Variants in GRIA2 observed in about 807,000 individuals in gnomAD.
GRIA2 encodes the protein glutamate receptor 2.
In GRIA2, 14 loss-of-function variants were observed where a neutral mutation model predicts 97.3. The observed-to-expected ratio is 0.14, with a 90% CI of 0.10 to 0.23. The LOEUF is 0.23. Ranked by LOEUF, GRIA2 falls within the 10% of genes least tolerant of loss-of-function variation. GRIA2 has a pLI of 1.00. For synonymous variants in GRIA2, 412 were observed against 387.8 expected (o/e 1.06, Z -0.73); for missense variants, 558 against 1,069.8 (o/e 0.52, Z 6.67).
intron 12 of GRIA2, among the ~76,000 whole-genome samples, chr4:157,354,445 C>A (rs1473684506): frequency 6.6e-6 from 1 of 152,108 alleles, no homozygotes; most frequent in Non-Finnish European, 1.5e-5. Flanking sequence ...TAATATGATA[C>A]ACTGTTATTT....
At chr4:157,324,565 G>A (rs763032180) in intron 6 of GRIA2, among the ~76,000 whole-genome samples, 15 of 152,182 alleles carry the variant, frequency 9.9e-5, no homozygotes, top group Admixed American at 5.2e-4. Flanking sequence ...AGAAAAGTGT[G>A]AGAAGTTGCT....
intron 12 of GRIA2, among the ~76,000 whole-genome samples, chr4:157,347,337 A>G (rs934297297): frequency 1.3e-5 from 2 of 152,114 alleles, no homozygotes; most frequent in African/African-American, 2.4e-5. Flanking sequence ...TAACCATGCA[A>G]TTGTGTCTTT....
intron 2 of GRIA2, among the ~76,000 whole-genome samples, chr4:157,233,056 G>A (rs948662570): frequency 1.3e-5 from 2 of 152,134 alleles, no homozygotes; most frequent in African/African-American, 2.4e-5. Flanking sequence ...TTTTTGGATT[G>A]TTTTGATGAG....
chr4:157,220,867 G>C lies in GRIA2; in HGVS notation c.-176G>C. The C allele has an allele frequency of 1.7e-6, 1 of 602,410 alleles. No homozygotes were observed. Among genetic ancestry groups the C allele is most frequent in the Non-Finnish European group, 3.0e-6 (1 of 337,158 alleles). 37.3% of individuals were successfully genotyped at this position (602,410 alleles called of 1,614,324 possible). Reference sequence around the variant, plus strand: ...GGGCGCAGGGCATCAGCAGCCACCAGCAGGACCTGGGAAATAGGGATTCTT... The same window carrying C: ...GGGCGCAGGGCATCAGCAGCCACCACCAGGACCTGGGAAATAGGGATTCTT... On this transcript the variant is annotated 5_prime_UTR_variant, in exon 1 of 16. Coordinates refer to ENST00000264426, the MANE Select transcript of GRIA2 (RefSeq NM_001083619.3).
chr4:157,223,541 C>G (rs1314222690), intron 2 of GRIA2, among the ~76,000 whole-genome samples: 2 of 152,118 alleles, frequency 1.3e-5, no homozygotes, highest in Non-Finnish European at 2.9e-5. Flanking sequence ...ACCTATTTAC[C>G]TAACAGATTT....
At chr4:157,315,509 GTTT>G (rs529422867) in intron 4 of GRIA2, among the ~76,000 whole-genome samples, 3 of 148,130 alleles carry the variant, frequency 2.0e-5, no homozygotes, top group African/African-American at 7.6e-5. Flanking sequence ...TAGGCTATGG[GTTT>G]TTTTTTGTTT....
chr4:157,321,862 C>T (rs184188651), intron 6 of GRIA2, among the ~76,000 whole-genome samples: 5 of 151,952 alleles, frequency 3.3e-5, no homozygotes, highest in Middle Eastern at 3.4e-3. Context: ...TTTATTAATC[C>T]ATTTGGCATT....
At chr4:157,221,908 G>C in intron 2 of GRIA2, 101 bp downstream of exon 2, 2 of 1,052,686 alleles carry the variant, frequency 1.9e-6, no homozygotes, top group Admixed American at 1.8e-5. Flanking sequence ...GCGTTTCTGT[G>C]TGTCAGTGTG....
At chr4:157,313,233 A>T (rs1464971746) in intron 4 of GRIA2, among the ~76,000 whole-genome samples, 1 of 152,150 alleles carries the variant, frequency 6.6e-6, no homozygotes, top group Non-Finnish European at 1.5e-5. Context: ...AACTTAAGAC[A>T]AGTTGAGTTC....
chr4:157,329,748 C>T (rs1695965102), intron 6 of GRIA2, among the ~76,000 whole-genome samples: 1 of 151,902 alleles, frequency 6.6e-6, no homozygotes, highest in South Asian at 2.1e-4. Flanking sequence ...CATCAAGCTT[C>T]TCACCTACTA....
chr4:157,321,071 G>A (rs961458359), intron 5 of GRIA2, among the ~76,000 whole-genome samples: 1 of 152,108 alleles, frequency 6.6e-6, no homozygotes, highest in African/African-American at 2.4e-5. Flanking sequence ...CTACTTTAAT[G>A]TTATTAAGTG....
At chr4:157,358,078 A>T (rs1305593543) in intron 12 of GRIA2, among the ~76,000 whole-genome samples, 1 of 152,128 alleles carries the variant, frequency 6.6e-6, no homozygotes, top group Non-Finnish European at 1.5e-5. Flanking sequence ...CAAAATTGTG[A>T]TATTGACGTC....
intron 2 of GRIA2, among the ~76,000 whole-genome samples, chr4:157,245,596 C>A (rs897874994): frequency 6.6e-6 from 1 of 151,874 alleles, no homozygotes; most frequent in African/African-American, 2.4e-5. Context: ...GAAATGAAAT[C>A]CAACTATAAT....
intron 2 of GRIA2, among the ~76,000 whole-genome samples, chr4:157,293,902 C>T (rs1733220028): frequency 6.6e-6 from 1 of 152,114 alleles, no homozygotes; most frequent in African/African-American, 2.4e-5. Context: ...AAGATAATCC[C>T]TCCAATTCCT....
At chr4:157,290,808 CAACT>C (rs1733063863) in intron 2 of GRIA2, among the ~76,000 whole-genome samples, 1 of 151,682 alleles carries the variant, frequency 6.6e-6, no homozygotes. Flanking sequence ...AAGGACTTGG[CAACT>C]ATCTAGTGGC....
At chr4:157,224,589 T>C (rs1389358932) in intron 2 of GRIA2, among the ~76,000 whole-genome samples, 1 of 152,162 alleles carries the variant, frequency 6.6e-6, no homozygotes, top group Non-Finnish European at 1.5e-5. Flanking sequence ...AGTTTAACTC[T>C]TTTGAGACAG....
intron 2 of GRIA2, among the ~76,000 whole-genome samples, chr4:157,250,116 T>C (rs1433428387): frequency 6.6e-6 from 1 of 152,090 alleles, no homozygotes; most frequent in Non-Finnish European, 1.5e-5. Context: ...AGAAAATGGC[T>C]CCCTTTTTTG....
chr4:157,248,780 CTATA>C lies in GRIA2; in HGVS notation c.229+27004_229+27007del, dbSNP rs36210142. 5.1e-3 allele frequency among the ~76,000 whole-genome samples: 627 copies of C among 122,262 alleles called. 6 individuals carry two copies. The highest frequency in any genetic ancestry group is 0.026 in the South Asian group (88 of 3,334). 80.2% of individuals were successfully genotyped at this position (122,262 alleles called of 152,430 possible). On this transcript the variant is annotated intron_variant, in intron 2 of 15. Coordinates refer to ENST00000264426, the MANE Select transcript of GRIA2 (RefSeq NM_001083619.3). ...CATGGCAGAGAATTCCTTTCTTTCA[CTATA>C]TATATATATATATATATATATATAT...
intron 2 of GRIA2, among the ~76,000 whole-genome samples, chr4:157,241,253 G>A (rs186882957): frequency 1.8e-3 from 268 of 152,168 alleles, no homozygotes; most frequent in African/African-American, 6.2e-3. Flanking sequence ...AGGAATGACC[G>A]CCTTATTTTC....
Sources: allele counts gnomAD v4.1 joint callset (sites outside exome capture counted in the v4.1 genomes callset), GRCh38; gene constraint gnomAD v4.1.1; transcripts MANE v1.5; gene names NCBI Gene and HGNC (gene_info 2026-07-23, HGNC 2026-07-21).